The following ADGRB3 variants were observed in gnomAD, a reference collection of about 807,000 sequenced individuals.
ADGRB3 encodes brain-specific angiogenesis inhibitor 3.
ADGRB3 carries 37 observed loss-of-function variants against 193.4 expected under a neutral mutation model. The ratio of observed to expected loss-of-function variants is 0.19; its 90% CI spans 0.15 to 0.25. The LOEUF (loss-of-function observed/expected upper bound fraction) is 0.25. ADGRB3 is among the 10% of genes least tolerant of loss of function. The pLI is 1.00. For missense variants in ADGRB3, 1,637 were observed against 1,852.9 expected (o/e 0.88, Z 2.14); for synonymous variants, 690 against 644.2 (o/e 1.07, Z -1.08).
chr6:68,930,598 G>C lies in ADGRB3; in HGVS notation c.797G>C (p.Arg266Pro). Residue 266 changes from arginine to proline, a missense_variant, in exon 4 of 32, where the codon CGA becomes CCA. Arg to Pro is a moderately radical substitution (Grantham distance 103). Coordinates refer to ENST00000370598, the MANE Select transcript of ADGRB3 (RefSeq NM_001704.3). ...GGAGATCATACAATTAAAAGTCAGCGACCTCGATCTGTTCATGAAAAAAGG... is the reference window on the plus strand; with the variant it reads ...GGAGATCATACAATTAAAAGTCAGCCACCTCGATCTGTTCATGAAAAAAGG... ...MMGDHTIKSQRPRSVHEKRVP... is the reference protein window; with the variant it reads ...MMGDHTIKSQPPRSVHEKRVP... 6.2e-7 allele frequency: 1 copy of C among 1,612,508 alleles called. No homozygotes were observed. The highest frequency in any genetic ancestry group is 8.5e-7 in the Non-Finnish European group (1 of 1,179,200).
intron 3 of ADGRB3, among the ~76,000 whole-genome samples, chr6:68,929,332 G>T (rs1221573660): frequency 6.6e-6 from 1 of 152,242 alleles, no homozygotes; most frequent in South Asian, 2.1e-4. Flanking sequence ...CTTTTGAGTA[G>T]ATTATCTGTA....
At chr6:68,761,691 T>G (rs1376748353) in intron 3 of ADGRB3, among the ~76,000 whole-genome samples, 2 of 151,600 alleles carry the variant, frequency 1.3e-5, no homozygotes, top group Admixed American at 6.6e-5. Flanking sequence ...ATTCTGCTTT[T>G]TTGTTGTTGT....
chr6:68,982,997 C>T (rs1401944890), intron 10 of ADGRB3, among the ~76,000 whole-genome samples: 1 of 152,060 alleles, frequency 6.6e-6, no homozygotes, highest in East Asian at 1.9e-4. Flanking sequence ...TTACATAGCT[C>T]TCTGATGTCC....
intron 20 of ADGRB3, among the ~76,000 whole-genome samples, chr6:69,316,908 A>T (rs1435513997): frequency 6.6e-6 from 1 of 151,504 alleles, no homozygotes; most frequent in Non-Finnish European, 1.5e-5. Context: ...ACTTAAACAG[A>T]TTCGTAGGCT....
intron 17 of ADGRB3, among the ~76,000 whole-genome samples, chr6:69,197,576 A>G (rs1011833767): frequency 1.3e-5 from 2 of 152,092 alleles, no homozygotes; most frequent in African/African-American, 4.8e-5. Context: ...CATATCTTAG[A>G]TGTTTACAAT....
intron 3 of ADGRB3, among the ~76,000 whole-genome samples, chr6:68,879,844 T>C (rs79980317): frequency 0.01 from 1,593 of 152,266 alleles, 26 homozygotes; most frequent in African/African-American, 0.036. Context: ...AGCTGATGCC[T>C]CATCCAAGTC....
chr6:68,688,546 G>A (rs543082575), intron 3 of ADGRB3, among the ~76,000 whole-genome samples: 4 of 152,016 alleles, frequency 2.6e-5, no homozygotes, highest in Admixed American at 2.0e-4. Flanking sequence ...AATTACCCAC[G>A]GCCATTGTTT....
chr6:69,224,469 A>G (rs1429195401), intron 17 of ADGRB3, among the ~76,000 whole-genome samples: 5 of 152,220 alleles, frequency 3.3e-5, no homozygotes, highest in African/African-American at 1.2e-4. Flanking sequence ...TGAGGAAAAA[A>G]TATACAAACA....
chr6:69,169,428 A>G (rs964779988), intron 17 of ADGRB3, among the ~76,000 whole-genome samples: 7 of 151,692 alleles, frequency 4.6e-5, no homozygotes, highest in African/African-American at 9.6e-5. Context: ...TCAGAACACT[A>G]TAGTTACAAT....
chr6:69,265,453 AT>A (rs1182522099), intron 20 of ADGRB3, among the ~76,000 whole-genome samples: 6 of 151,900 alleles, frequency 3.9e-5, no homozygotes. Flanking sequence ...TCCTGTTCTT[AT>A]CCCCCATGTT....
At chr6:69,213,938 A>G (rs1765719177) in intron 17 of ADGRB3, among the ~76,000 whole-genome samples, 1 of 152,176 alleles carries the variant, frequency 6.6e-6, no homozygotes, top group Non-Finnish European at 1.5e-5. Context: ...ATGGTCTCTG[A>G]TGTTAAGGAC....
chr6:69,354,296 A>C lies in ADGRB3; in HGVS notation c.3523A>C (p.Ser1175Arg). Residue 1175 changes from serine to arginine, a missense_variant, in exon 27 of 32, where the codon AGT becomes CGT. Physicochemically the swap from Ser to Arg is moderately radical, Grantham distance 110. Around this residue, in one of 7 missense-constraint regions of ADGRB3, gnomAD observed 116 missense variants for 168.1 expected, o/e 0.69. Coordinates refer to ENST00000370598, the MANE Select transcript of ADGRB3 (RefSeq NM_001704.3). Reference sequence around the variant, plus strand: ...GGATCCCATCAATGCAGATTCTTCGAGTTCGTTTCCTAATGGGCATGCTCA... The same window carrying C: ...GGATCCCATCAATGCAGATTCTTCGCGTTCGTTTCCTAATGGGCATGCTCA... ...CQDPINADSS[S>R]SFPNGHAQIM... 1 of 1,613,936 alleles carries C rather than the reference A, an allele frequency of 6.2e-7. No individual in the cohort carries two copies. Among genetic ancestry groups the C allele is most frequent in the East Asian group, 2.2e-5 (1 of 44,868 alleles).
Position 69,071,716 on chromosome 6 carries a change from A to G in ADGRB3, c.2437-4279A>G, listed in dbSNP as rs1009136840. ...AGTATTACCATTTTGTATGTCAACA[A>G]ATACTATTTATTGATAGTTTGGTAA... On this transcript the variant is annotated intron_variant, in intron 16 of 31. Transcript: ENST00000370598. Among the ~76,000 whole-genome samples the G allele has an allele frequency of 4.6e-5, 7 of 152,206 alleles. No homozygotes were observed. The South Asian group carries it at 1.4e-3, about 32-fold the overall frequency.
At chr6:69,096,242 T>A (rs1772872529) in intron 17 of ADGRB3, among the ~76,000 whole-genome samples, 1 of 152,134 alleles carries the variant, frequency 6.6e-6, no homozygotes, top group South Asian at 2.1e-4. Flanking sequence ...AATTTACCAT[T>A]TTTATATTGT....
At chr6:68,884,091 T>C (rs997169437) in intron 3 of ADGRB3, among the ~76,000 whole-genome samples, 14 of 152,174 alleles carry the variant, frequency 9.2e-5, no homozygotes, top group Non-Finnish European at 4.4e-5. Context: ...TTCTCTCTCT[T>C]GCGAATGAGA....
chr6:68,870,390 A>G (rs1008726795), intron 3 of ADGRB3, among the ~76,000 whole-genome samples: 24 of 152,186 alleles, frequency 1.6e-4, no homozygotes, highest in African/African-American at 5.1e-4. Context: ...TATTATCAGC[A>G]TGTCTTGAAA....
chr6:68,993,670 GTTAATTGAGCAATTTTAAA>G, intron 10 of ADGRB3, 79 bp from the exon 11 acceptor site: 1 of 1,273,140 alleles, frequency 7.9e-7, no homozygotes, highest in Non-Finnish European at 1.1e-6. Flanking sequence ...GCTATTTTAA[GTTAATTGAGCAATTTTAAA>G]TAAAGTTGTT....
intron 3 of ADGRB3, among the ~76,000 whole-genome samples, chr6:68,765,852 C>T (rs1397008881): frequency 2.6e-5 from 4 of 151,878 alleles, no homozygotes; most frequent in East Asian, 1.9e-4. Context: ...CAAAAGCTCC[C>T]GGACTAGGTA....
At chr6:68,954,323 A>G (rs533409466) in intron 6 of ADGRB3, among the ~76,000 whole-genome samples, 1 of 152,302 alleles carries the variant, frequency 6.6e-6, no homozygotes, top group African/African-American at 2.4e-5. Flanking sequence ...GTTAACACCT[A>G]TCACAGTGTC....
Sources: gnomAD v4.1 joint callset for allele counts (sites outside exome capture counted in the v4.1 genomes callset) on GRCh38, gnomAD v4.1.1 for gene constraint, gnomAD v4.1.1 regional missense constraint, MANE v1.5 for transcripts, NCBI Gene and HGNC (gene_info 2026-07-23, HGNC 2026-07-21) for gene names.